The following WRNIP1 variants were observed in gnomAD, a reference collection of about 807,000 sequenced individuals.
The protein encoded by WRNIP1 is ATPase WRNIP1.
Under a neutral mutation model 56.1 loss-of-function variants are expected in WRNIP1, and 41 were observed. The observed-to-expected ratio is 0.73, with a 90% CI of 0.57 to 0.95. The LOEUF (loss-of-function observed/expected upper bound fraction) is 0.95. Ranked by LOEUF, WRNIP1 falls within the 40% of genes least tolerant of loss-of-function variation. The probability of loss-of-function intolerance (pLI) is 0.00; values close to 1 mark genes in which losing one functional copy is unlikely to be tolerated. For missense variants in WRNIP1, 1,170 were observed against 939.4 expected (o/e 1.25, Z -3.21); for synonymous variants, 547 against 398.1 (o/e 1.37, Z -4.45).
In WRNIP1 at chr6:2,785,100, A is replaced by G. The variant is rs200097218; in HGVS notation, c.1816A>G (p.Asn606Asp). 3.1e-6 allele frequency: 5 copies of G among 1,614,186 alleles called. No homozygotes were observed. Among genetic ancestry groups the G allele is most frequent in the Non-Finnish European group, 4.2e-6 (5 of 1,180,036 alleles). ...AYNNVKACLR[N>D]HQGPLPPVPL... ...CAACAACGTCAAAGCCTGCCTGAGG[A>G]ACCACCAGGGGCCACTGCCCCCCGT... is the stretch of plus-strand genomic sequence containing the variant. Residue 606 changes from asparagine (N) to aspartate (D), a missense_variant, in exon 7 of 7, where the codon AAC becomes GAC. Asn to Asp is a conservative substitution (Grantham distance 23). Coordinates refer to ENST00000380773, the MANE Select transcript of WRNIP1 (RefSeq NM_020135.3).
At position 2,770,327 on chromosome 6, in the gene WRNIP1, G is replaced by A; in HGVS notation, c.1222G>A (p.Asp408Asn). ...IHVLDSSRPT[D>N]PLSHSSNSSS... ...CGTCCTAGACTCTAGCCGTCCCACT[G>A]ACCCTCTGAGCCACAGCAGCAACAG... Residue 408 changes from aspartate to asparagine, a missense_variant, in exon 3 of 7, where the codon GAC becomes AAC. By Grantham distance (23) the Asp-to-Asn change is conservative. Coordinates refer to ENST00000380773, the MANE Select transcript of WRNIP1 (RefSeq NM_020135.3). 2 of 1,614,112 alleles carry A rather than the reference G, an allele frequency of 1.2e-6. No individual in the cohort carries two copies. The highest frequency in any genetic ancestry group is 1.3e-5 in the African/African-American group (1 of 75,040).
intron 4 of WRNIP1, 145 bp from the exon 5 acceptor site, chr6:2,783,261 G>A (rs374703853): frequency 3.4e-5 from 28 of 832,872 alleles, no homozygotes; most frequent in African/African-American, 7.1e-5. Context: ...CTCAGAGCAC[G>A]GTTAAGGCAG....
At chr6:2,777,151 G>A (rs1286041715) in intron 3 of WRNIP1, among the ~76,000 whole-genome samples, 1 of 152,182 alleles carries the variant, frequency 6.6e-6, no homozygotes, top group Non-Finnish European at 1.5e-5. Flanking sequence ...TGGAAATATG[G>A]ATTCTTTTTG....
At chr6:2,766,558 A>G (rs1043328900) in intron 1 of WRNIP1, 114 bp downstream of exon 1, 13 of 1,401,610 alleles carry the variant, frequency 9.3e-6, no homozygotes, top group Non-Finnish European at 1.2e-5. Flanking sequence ...TCTCCTGGAT[A>G]AGGGGGTGCA....
At chr6:2,777,704 A>G (rs1189969515) in intron 3 of WRNIP1, among the ~76,000 whole-genome samples, 1 of 152,172 alleles carries the variant, frequency 6.6e-6, no homozygotes. Context: ...ATTATCTTCT[A>G]AATCATCTTC....
intron 4 of WRNIP1, 46 bp from the exon 5 acceptor site, chr6:2,783,360 G>T: frequency 6.7e-7 from 1 of 1,487,396 alleles, no homozygotes; most frequent in Non-Finnish European, 9.0e-7. Context: ...TGGCTTGGGC[G>T]CCCCTCCTGT....
rs762159289 is a variant in WRNIP1, at chr6:2,779,487, G to A, written c.1481G>A (p.Arg494Gln). The change falls in exon 4 of 7, where the codon CGG becomes CAG. Residue 494 changes from arginine (R) to glutamine (Q), a missense_variant. Physicochemically the swap from Arg to Gln is conservative, Grantham distance 43 (BLOSUM62 1). Transcript: ENST00000380773. Reference sequence around the variant, plus strand: ...CAGCGATCCCACATTTTATATGACCGGGCAGGTAAGTAATTCACCTGTGGA... The same window carrying A: ...CAGCGATCCCACATTTTATATGACCAGGCAGGTAAGTAATTCACCTGTGGA... ...GLQRSHILYD[R>Q]AGEEHYNCIS... The A allele has an allele frequency of 9.9e-6, 16 of 1,612,552 alleles. No homozygotes were observed. Among genetic ancestry groups the A allele is most frequent in the African/African-American group, 1.3e-5 (1 of 74,864 alleles).
chr6:2,770,743 A>G (rs1392867529), intron 3 of WRNIP1, among the ~76,000 whole-genome samples: 1 of 152,178 alleles, frequency 6.6e-6, no homozygotes, highest in African/African-American at 2.4e-5. Flanking sequence ...TAGACTTACC[A>G]TACAACTCTT....
In WRNIP1 at chr6:2,770,281, G is replaced by A. The variant is rs148604433; in HGVS notation, c.1176G>A (p.Ala392=). 7 of 1,613,992 alleles carry A rather than the reference G, an allele frequency of 4.3e-6. No homozygotes were observed. The African/African-American group carries it at 8.0e-5, about 18-fold the overall frequency. Residue 392 remains alanine (A), a synonymous_variant, in exon 3 of 7, where the codon GCG becomes GCA. Coordinates refer to ENST00000380773, the MANE Select transcript of WRNIP1 (RefSeq NM_020135.3). ...CAATGGTGACTATTTTAATGCGAGC[G>A]ATCAACTCCCTGGGAATCCACGTCC... The part of the protein sequence containing the change: ...VEAMVTILMR[A]INSLGIHVLD...
Position 2,770,231 on chromosome 6 carries a change from G to C in WRNIP1, c.1126G>C (p.Val376Leu), listed in dbSNP as rs1282447707. ...TCTTCTGAGCCGCTGTCGAGTGATTGTTCTTGAGAAGCTTCCAGTAGAGGC... is the reference window on the plus strand; with the variant it reads ...TCTTCTGAGCCGCTGTCGAGTGATTCTTCTTGAGAAGCTTCCAGTAGAGGC... ...AALLSRCRVI[V>L]LEKLPVEAMV... Residue 376 changes from valine to leucine, a missense_variant, in exon 3 of 7, where the codon GTT becomes CTT. Transcript: ENST00000380773. 3 of 1,614,074 alleles carry C rather than the reference G, an allele frequency of 1.9e-6. No individual in the cohort carries two copies. The highest frequency in any genetic ancestry group is 2.5e-6 in the Non-Finnish European group (3 of 1,180,048).
chr6:2,770,068 G>C, intron 2 of WRNIP1, 52 bp from the exon 3 acceptor site: 1 of 1,609,404 alleles, frequency 6.2e-7, no homozygotes, highest in Non-Finnish European at 8.5e-7. Flanking sequence ...ATAGGATTCT[G>C]CAGGTGGCTG....
rs981681990 is a variant in WRNIP1, at chr6:2,766,122, A to C, written c.500A>C (p.Glu167Ala). 43 of 1,322,894 alleles carry C rather than the reference A, an allele frequency of 3.3e-5. No homozygotes were observed. Among genetic ancestry groups the C allele is most frequent in the African/African-American group, 2.8e-4 (18 of 64,994 alleles). The allele number at this position is 1,322,894 out of a possible 1,614,324, so 81.9% of individuals were successfully genotyped here. A position where few individuals can be genotyped will look rare whatever the true frequency, so the allele number is the denominator to read the frequency against. Residue 167 changes from glutamate (E) to alanine (A), a missense_variant, in exon 1 of 7, where the codon GAG (glutamate) becomes GCG (alanine). Physicochemically the swap from Glu to Ala is moderately radical, Grantham distance 107. Transcript: ENST00000380773. ...GAGGCGGAGGCGCAGGAGGAGGAGGAGGCCGTGGGCGACGGCGATGGCGAC... is the reference window on the plus strand; with the variant it reads ...GAGGCGGAGGCGCAGGAGGAGGAGGCGGCCGTGGGCGACGGCGATGGCGAC... ...WDEAEAQEEEEAVGDGDGDGD... is the reference protein window; with the variant it reads ...WDEAEAQEEEAAVGDGDGDGD...
chr6:2,769,170 A>G lies in WRNIP1; in HGVS notation c.1014+288A>G, dbSNP rs1476323613. Among the ~76,000 whole-genome samples, 3 of 152,232 alleles carry G rather than the reference A, an allele frequency of 2.0e-5. No individual in the cohort carries two copies. The East Asian group carries it at 5.8e-4, about 29-fold the overall frequency. On this transcript the variant is annotated intron_variant, in intron 2 of 6. Coordinates refer to ENST00000380773, the MANE Select transcript of WRNIP1 (RefSeq NM_020135.3). ...TCCAGTTTTAGGAATTTTTAATCTA[A>G]ATACTAGGAGTCATTGTGAACAGTA...
chr6:2,784,664 G>A (rs547363625), intron 6 of WRNIP1, among the ~76,000 whole-genome samples: 4 of 152,256 alleles, frequency 2.6e-5, no homozygotes, highest in Admixed American at 6.5e-5. Flanking sequence ...GAGCAGAAAG[G>A]TTAAAGGAGC....
chr6:2,786,672 A>AAT lies in WRNIP1; in HGVS notation c.*1392_*1393dup, dbSNP rs1765721963. ...AGACGTGTCTGAGGGTTTGGCTAGT[A>AAT]ATAAATTGTAGGTAAGAAATTACTT... On this transcript the variant is annotated 3_prime_UTR_variant, in exon 7 of 7. Coordinates refer to ENST00000380773, the MANE Select transcript of WRNIP1 (RefSeq NM_020135.3). The AAT allele has an allele frequency of 7.4e-6, 1 of 134,798 alleles. No individual in the cohort carries two copies. Among genetic ancestry groups the AAT allele is most frequent in the Admixed American group, 8.4e-5 (1 of 11,940 alleles). 8.4% of individuals were successfully genotyped at this position (134,798 alleles called of 1,614,324 possible).
At chr6:2,784,268 C>A in intron 5 of WRNIP1, 56 bp from the exon 6 acceptor site, 1 of 1,554,014 alleles carries the variant, frequency 6.4e-7, no homozygotes, top group Non-Finnish European at 8.8e-7. Flanking sequence ...TGCACATAGG[C>A]CAGGAGGACA....
At chr6:2,772,138 GAGA>G (rs1424805442) in intron 3 of WRNIP1, among the ~76,000 whole-genome samples, 11 of 152,344 alleles carry the variant, frequency 7.2e-5, no homozygotes, top group South Asian at 2.1e-4. Context: ...TCATCCTTGT[GAGA>G]AGAATTTCTA....
chr6:2,782,208 C>T (rs1271240696), intron 4 of WRNIP1, among the ~76,000 whole-genome samples: 2 of 152,206 alleles, frequency 1.3e-5, no homozygotes, highest in Non-Finnish European at 2.9e-5. Flanking sequence ...TGGGCCAGAA[C>T]CATGCAGATG....
intron 3 of WRNIP1, among the ~76,000 whole-genome samples, chr6:2,771,841 G>T (rs1238534524): frequency 6.6e-6 from 1 of 152,176 alleles, no homozygotes; most frequent in African/African-American, 2.4e-5. Context: ...AAAGAAAAGG[G>T]GGGAAATCCT....
Sources: gnomAD v4.1 joint callset for allele counts (sites outside exome capture counted in the v4.1 genomes callset) on GRCh38, gnomAD v4.1.1 for gene constraint, MANE v1.5 for transcripts, NCBI Gene and HGNC (gene_info 2026-07-23, HGNC 2026-07-21) for gene names.